The following TRDN variants were observed in gnomAD, a reference collection of about 807,000 sequenced individuals.
TRDN encodes triadin, also known as triadin in skeletal muscle.
TRDN carries 161 observed loss-of-function variants against 149.7 expected under a neutral mutation model. That is an observed-to-expected ratio of 1.08 (90% CI 0.95 to 1.23). TRDN has a LOEUF of 1.23. Among genes scored for constraint, TRDN ranks in the 50% most tolerant of loss-of-function variants. TRDN has a pLI of 0.00. For missense variants in TRDN, 896 were observed against 823.5 expected (o/e 1.09, Z -1.08); for synonymous variants, 294 against 250.5 (o/e 1.17, Z -1.64).
At chr6:123,413,044 AAAG>A (rs1214408030) in intron 12 of TRDN, among the ~76,000 whole-genome samples, 8 of 152,280 alleles carry the variant, frequency 5.3e-5, no homozygotes, top group Middle Eastern at 3.4e-3. Flanking sequence ...ATCACATTAA[AAAG>A]AAAATAGCAT....
Position 123,321,705 on chromosome 6 carries a change from C to T in TRDN, c.1472-5210G>A, listed in dbSNP as rs560144991. Among the ~76,000 whole-genome samples the T allele has an allele frequency of 5.0e-4, 76 of 152,110 alleles. 3 individuals carry two copies. In the South Asian group the frequency reaches 0.015, roughly 31 times the overall value. On this transcript the variant is annotated intron_variant, in intron 23 of 40. Coordinates refer to ENST00000334268, the MANE Select transcript of TRDN (RefSeq NM_006073.4). ...CATGGAATATAGAAATACTGTCACTCCAAATAGCTTGACTTCAATGTTTCA... is the reference window on the plus strand; with the variant it reads ...CATGGAATATAGAAATACTGTCACTTCAAATAGCTTGACTTCAATGTTTCA...
rs187911368 is a variant in TRDN at position 123,412,934 on chromosome 6, G to A, written c.1052-19257C>T. Reference sequence around the variant, plus strand: ...AGACCTTGACAGCTTCCAGCAGATTGGAATCCCCAAAAAATATCTAAAATG... The same window carrying A: ...AGACCTTGACAGCTTCCAGCAGATTAGAATCCCCAAAAAATATCTAAAATG... On this transcript the variant is annotated intron_variant, in intron 12 of 40. Transcript: ENST00000334268. Among the ~76,000 whole-genome samples the A allele has an allele frequency of 9.7e-4, 147 of 152,112 alleles. 2 individuals are homozygous for A. The South Asian group carries it at 0.022, about 23-fold the overall frequency.
chr6:123,559,289 C>T (rs1224112444), intron 2 of TRDN, among the ~76,000 whole-genome samples: 1 of 152,128 alleles, frequency 6.6e-6, no homozygotes, highest in Non-Finnish European at 1.5e-5. Context: ...GATGGCCAGG[C>T]TTCTAAACCT....
chr6:123,572,580 C>T (rs1782639210), intron 1 of TRDN, among the ~76,000 whole-genome samples: 1 of 151,994 alleles, frequency 6.6e-6, no homozygotes, highest in Non-Finnish European at 1.5e-5. Flanking sequence ...AATTGCAGAC[C>T]TACTAGAAAA....
In TRDN at chr6:123,478,286, T is replaced by C. The variant is rs899660657; in HGVS notation, c.854-13303A>G. Among the ~76,000 whole-genome samples the C allele has an allele frequency of 3.9e-5, 6 of 152,312 alleles. No homozygotes were observed. In the East Asian group the frequency reaches 1.2e-3, roughly 29 times the overall value. On this transcript the variant is annotated intron_variant, in intron 9 of 40. Transcript: ENST00000334268. Reference sequence around the variant, plus strand: ...ATTTTTTACATGGTCATTTTCTGTTTAACCTTAGTTAGACGTTGAATGGAC... The same window carrying C: ...ATTTTTTACATGGTCATTTTCTGTTCAACCTTAGTTAGACGTTGAATGGAC...
intron 2 of TRDN, among the ~76,000 whole-genome samples, chr6:123,560,308 T>C (rs1021855905): frequency 6.6e-5 from 10 of 152,128 alleles, no homozygotes; most frequent in Admixed American, 4.6e-4. Context: ...CCCTCACTCT[T>C]ACAAAGGGGC....
chr6:123,473,525 A>G (rs1164358675), intron 9 of TRDN, among the ~76,000 whole-genome samples: 1 of 152,104 alleles, frequency 6.6e-6, no homozygotes, highest in African/African-American at 2.4e-5. Flanking sequence ...ACACTGCAGG[A>G]TATTATCCAG....
chr6:123,498,709 G>C, intron 8 of TRDN: 2 of 429,678 alleles, frequency 4.7e-6, no homozygotes, highest in Non-Finnish European at 4.9e-6. Context: ...ACATGAGATT[G>C]TTTTCCTGAA....
At chr6:123,232,350 C>CG (rs1775634178) in intron 38 of TRDN, among the ~76,000 whole-genome samples, 1 of 152,000 alleles carries the variant, frequency 6.6e-6, no homozygotes, top group South Asian at 2.1e-4. Context: ...CAATTTGGAA[C>CG]GCTGTGTTGA....
chr6:123,619,217 T>A (rs1403160401), intron 1 of TRDN, among the ~76,000 whole-genome samples: 2 of 152,200 alleles, frequency 1.3e-5, no homozygotes, highest in Non-Finnish European at 2.9e-5. Context: ...CTAAAACAAC[T>A]GTAATCATTT....
chr6:123,267,172 G>A (rs951715566), intron 32 of TRDN, among the ~76,000 whole-genome samples: 1 of 144,910 alleles, frequency 6.9e-6, no homozygotes, highest in Non-Finnish European at 1.5e-5. Flanking sequence ...AGAACTGGTA[G>A]AATTTACCAA....
At chr6:123,342,707 C>T (rs1237068438) in intron 21 of TRDN, among the ~76,000 whole-genome samples, 1 of 151,870 alleles carries the variant, frequency 6.6e-6, no homozygotes. Context: ...TATGAGATGA[C>T]AAAGTTAGGG....
At chr6:123,603,045 G>A (rs1189823383) in intron 1 of TRDN, among the ~76,000 whole-genome samples, 1 of 145,182 alleles carries the variant, frequency 6.9e-6, no homozygotes, top group Non-Finnish European at 1.5e-5. Flanking sequence ...TTAAATTTCA[G>A]ATATTCAGAA....
intron 29 of TRDN, 107 bp downstream of exon 29, chr6:123,272,857 A>G: frequency 2.4e-6 from 2 of 837,026 alleles, no homozygotes. Context: ...ATGACTTAAG[A>G]CATGAATTGT....
chr6:123,301,778 T>TAC (rs1562252335), intron 24 of TRDN, among the ~76,000 whole-genome samples: 22 of 133,562 alleles, frequency 1.6e-4, no homozygotes, highest in South Asian at 7.3e-4. Context: ...TACATATATA[T>TAC]ATATATATAC....
At chr6:123,505,570 G>C (rs1033905197) in intron 7 of TRDN, among the ~76,000 whole-genome samples, 1 of 152,114 alleles carries the variant, frequency 6.6e-6, no homozygotes, top group African/African-American at 2.4e-5. Context: ...AGCTAACCTG[G>C]TCATTTAGCT....
intron 12 of TRDN, among the ~76,000 whole-genome samples, chr6:123,421,427 A>G (rs983825429): frequency 1.2e-4 from 18 of 152,150 alleles, no homozygotes; most frequent in Non-Finnish European, 2.2e-4. Context: ...TAAATTATCC[A>G]GTTGTGCCCA....
chr6:123,415,755 A>C (rs1335451957), intron 12 of TRDN, among the ~76,000 whole-genome samples: 1 of 152,200 alleles, frequency 6.6e-6, no homozygotes, highest in Non-Finnish European at 1.5e-5. Flanking sequence ...ACATTAGGCT[A>C]ATTTCAATTT....
intron 1 of TRDN, among the ~76,000 whole-genome samples, chr6:123,580,363 A>T (rs1168344584): frequency 6.6e-6 from 1 of 152,204 alleles, no homozygotes; most frequent in African/African-American, 2.4e-5. Context: ...AAGGCTAGTA[A>T]AATTTAAAAG....
Sources: allele counts gnomAD v4.1 joint callset (sites outside exome capture counted in the v4.1 genomes callset), GRCh38; gene constraint gnomAD v4.1.1; transcripts MANE v1.5; gene names NCBI Gene and HGNC (gene_info 2026-07-23, HGNC 2026-07-21).